The following GPSM2 variants were observed in gnomAD, a reference collection of about 807,000 sequenced individuals.
GPSM2 encodes the protein G protein-signaling modulator 2.
In GPSM2, 58 loss-of-function variants were observed where a neutral mutation model predicts 78.4. The ratio of observed to expected loss-of-function variants is 0.74; its 90% confidence interval spans 0.60 to 0.92. The LOEUF (loss-of-function observed/expected upper bound fraction) is 0.92. Among genes scored for constraint, GPSM2 ranks in the 40% least tolerant of loss-of-function variants. The pLI, the probability that GPSM2 is intolerant of heterozygous loss-of-function variation, is 0.00. For missense variants in GPSM2, 700 were observed against 815.5 expected, an observed-to-expected ratio of 0.86 and a Z score of 1.73; for synonymous variants, 224 against 280.2, an observed-to-expected ratio of 0.80 and a Z score of 2.00.
At chr1:108,892,155 T>C (rs1455736403) in intron 2 of GPSM2, among the ~76,000 whole-genome samples, 1 of 151,762 alleles carries the variant, frequency 6.6e-6, no homozygotes, top group Non-Finnish European at 1.5e-5. Flanking sequence ...AAATGGAGAG[T>C]AGTCTTATTT....
intron 5 of GPSM2, 148 bp downstream of exon 5, chr1:108,898,249 TAC>T (rs1366675143): frequency 2.5e-6 from 2 of 786,850 alleles, no homozygotes; most frequent in East Asian, 2.6e-5. Context: ...GCTTAAATGT[TAC>T]AGTGTTATAT....
At chr1:108,909,141 C>T (rs1278061417) in intron 10 of GPSM2, among the ~76,000 whole-genome samples, 1 of 152,114 alleles carries the variant, frequency 6.6e-6, no homozygotes, top group Non-Finnish European at 1.5e-5. Flanking sequence ...CAAAAAACTA[C>T]ACACGTATGT....
At chr1:108,885,671 C>T in intron 2 of GPSM2, 93 bp downstream of exon 2, 2 of 800,146 alleles carry the variant, frequency 2.5e-6, no homozygotes, top group South Asian at 2.8e-5. Flanking sequence ...GTTGAAAATA[C>T]TCAAATATAC....
At position 108,898,904 on chromosome 1, in the gene GPSM2, G is replaced by C. The variant is rs1648578682; in HGVS notation, c.707G>C (p.Gly236Ala). ...EQRLLIAKEF[G>A]DKAAERRAYS... ...CGTCTCCTTATTGCAAAAGAATTTG[G>C]AGATAAAGCAGCTGAAAGAAGAGCA... The change falls in exon 7 of 15, where the codon GGA becomes GCA. Residue 236 changes from glycine to alanine, a missense_variant. Coordinates refer to ENST00000264126, the MANE Select transcript of GPSM2 (RefSeq NM_013296.5). The C allele has an allele frequency of 6.2e-7, 1 of 1,612,658 alleles. No homozygotes were observed.
chr1:108,885,442 T>C lies in GPSM2; in HGVS notation c.-81T>C. 1 of 813,072 alleles carries C rather than the reference T, an allele frequency of 1.2e-6. No individual in the cohort carries two copies. Among genetic ancestry groups the C allele is most frequent in the East Asian group, 2.4e-5 (1 of 41,002 alleles). The allele number at this position is 813,072 out of a possible 1,614,324, so 50.4% of individuals were successfully genotyped here. On this transcript the variant is annotated 5_prime_UTR_variant, in exon 2 of 15. Coordinates refer to ENST00000264126, the MANE Select transcript of GPSM2 (RefSeq NM_013296.5). ...TTAATATACTAACCGGACAATGTTC[T>C]ACAAACAATTCTACATTGTAAAGGA...
intron 1 of GPSM2, among the ~76,000 whole-genome samples, chr1:108,884,564 T>C (rs1342094036): frequency 6.6e-6 from 1 of 152,136 alleles, no homozygotes; most frequent in Admixed American, 6.5e-5. Flanking sequence ...CGTGTTAAAG[T>C]TGTAAAGACA....
intron 1 of GPSM2, among the ~76,000 whole-genome samples, chr1:108,882,108 C>A (rs1384362918): frequency 2.6e-5 from 4 of 152,136 alleles, no homozygotes; most frequent in Non-Finnish European, 4.4e-5. Flanking sequence ...CAGGCCACCA[C>A]ACCTGGCTGA....
chr1:108,922,670 T>C (rs928663884), intron 13 of GPSM2, 94 bp downstream of exon 13: 103 of 1,054,982 alleles, frequency 9.8e-5, no homozygotes, highest in African/African-American at 7.9e-5. Flanking sequence ...ATAAGAGATA[T>C]AATAAATGAG....
intron 14 of GPSM2, chr1:108,926,397 T>C (rs1448931974): frequency 1.3e-5 from 2 of 152,218 alleles, no homozygotes; most frequent in Non-Finnish European, 2.9e-5. Context: ...TCATAACTCA[T>C]TCTGTGAGGC....
chr1:108,903,405 T>C (rs190842186), intron 9 of GPSM2, among the ~76,000 whole-genome samples, 171 bp downstream of exon 9: 22 of 152,252 alleles, frequency 1.4e-4, no homozygotes, highest in African/African-American at 4.8e-4. Flanking sequence ...AGATCACAGT[T>C]ATGTTTGTAT....
chr1:108,913,030 A>G (rs1187315972), intron 10 of GPSM2, among the ~76,000 whole-genome samples: 1 of 152,160 alleles, frequency 6.6e-6, no homozygotes, highest in Non-Finnish European at 1.5e-5. Context: ...CTTATGAGGT[A>G]AACAAAAATT....
intron 2 of GPSM2, among the ~76,000 whole-genome samples, chr1:108,886,384 A>G (rs1647551406): frequency 6.6e-6 from 1 of 152,218 alleles, no homozygotes; most frequent in African/African-American, 2.4e-5. Flanking sequence ...ACTTAAGACC[A>G]CATTTTTACA....
intron 12 of GPSM2, among the ~76,000 whole-genome samples, chr1:108,921,851 CATT>C (rs1276012980): frequency 2.6e-5 from 4 of 152,092 alleles, no homozygotes; most frequent in East Asian, 3.9e-4. Flanking sequence ...TATAATATAT[CATT>C]ATGAAAAAAT....
At chr1:108,907,029 G>A (rs900671499) in intron 10 of GPSM2, among the ~76,000 whole-genome samples, 8 of 152,118 alleles carry the variant, frequency 5.3e-5, no homozygotes, top group African/African-American at 1.9e-4. Flanking sequence ...ACCTAGAACG[G>A]AATCCTCAGT....
chr1:108,902,732 G>A (rs1451192753), intron 8 of GPSM2, among the ~76,000 whole-genome samples: 1 of 152,154 alleles, frequency 6.6e-6, no homozygotes, highest in East Asian at 1.9e-4. Flanking sequence ...TGTTCAAAAT[G>A]AAGTATGCTA....
Position 108,931,565 on chromosome 1 carries a change from T to G in GPSM2, c.*1625T>G. The G allele has an allele frequency of 6.8e-7, 1 of 1,474,446 alleles. No individual in the cohort carries two copies. The highest frequency in any genetic ancestry group is 9.1e-7 in the Non-Finnish European group (1 of 1,104,910). 91.3% of individuals were successfully genotyped at this position (1,474,446 alleles called of 1,614,324 possible). A position where few individuals can be genotyped will look rare whatever the true frequency, so the allele number is the denominator to read the frequency against. ...GATTTGGATGGGCAAATAGAACTAT[T>G]TCTCTAATGGCCAATGTTTTTTAAG... On this transcript the variant is annotated 3_prime_UTR_variant, in exon 15 of 15. Transcript: ENST00000264126.
chr1:108,903,331 A>G lies in GPSM2; in HGVS notation c.1062+97A>G, dbSNP rs9662522. ...TTTCTCTAGATTGATCATGTGGCTG[A>G]ATAATAAATTTGATTATATATCATT... On this transcript the variant is annotated intron_variant, in intron 9 of 14. Coordinates refer to ENST00000264126, the MANE Select transcript of GPSM2 (RefSeq NM_013296.5). The G allele has an allele frequency of 7.8e-3, 5,558 of 710,522 alleles. 215 individuals carry two copies. The African/African-American group carries it at 0.085, about 11-fold the overall frequency. 44.0% of individuals were successfully genotyped at this position (710,522 alleles called of 1,614,324 possible). A position where few individuals can be genotyped will look rare whatever the true frequency, so the allele number is the denominator to read the frequency against.
chr1:108,896,794 C>CG, intron 2 of GPSM2, 70 bp from the exon 3 acceptor site: 1 of 1,160,376 alleles, frequency 8.6e-7, no homozygotes, highest in Non-Finnish European at 1.3e-6. Context: ...AATTATATTA[C>CG]GGGAAGTTAA....
chr1:108,917,896 C>T (rs1650399300), intron 11 of GPSM2, among the ~76,000 whole-genome samples: 1 of 151,378 alleles, frequency 6.6e-6, no homozygotes, highest in Non-Finnish European at 1.5e-5. Flanking sequence ...ATATGGCTTC[C>T]AATCATAGAC....
Sources: gnomAD v4.1 joint callset for allele counts (sites outside exome capture counted in the v4.1 genomes callset) on GRCh38, gnomAD v4.1.1 for gene constraint, MANE v1.5 for transcripts, NCBI Gene and HGNC (gene_info 2026-07-23, HGNC 2026-07-21) for gene names.